POFUT3: variants seen among roughly 807,000 people sequenced by gnomAD.
POFUT3 encodes GDP-fucose protein O-fucosyltransferase 3.
At chr8:33,356,884 C>A in the POFUT3 span, among the ~76,000 whole-genome samples, 8 of 151,874 alleles carry the variant, frequency 5.3e-5, no homozygotes, top group Non-Finnish European at 8.8e-5. Context: ...TCAGCTTTCT[C>A]CATATGGCTA....
the POFUT3 span, among the ~76,000 whole-genome samples, chr8:33,441,532 C>CTATATATATA: frequency 2.0e-5 from 3 of 151,830 alleles, no homozygotes; most frequent in South Asian, 6.2e-4. Context: ...AGGTGTGCAC[C>CTATATATATA]ACCATGCCCA....
the POFUT3 span, among the ~76,000 whole-genome samples, chr8:33,325,796 A>C: frequency 6.6e-6 from 1 of 152,160 alleles, no homozygotes; most frequent in Non-Finnish European, 1.5e-5. Context: ...ATTCTGGTTC[A>C]GTCTATTGTG....
At chr8:33,355,589 T>C in the POFUT3 span, among the ~76,000 whole-genome samples, 8 of 152,338 alleles carry the variant, frequency 5.3e-5, no homozygotes, top group Admixed American at 2.0e-4. Context: ...CAATTGTTAG[T>C]TATATAAACT....
the POFUT3 span, among the ~76,000 whole-genome samples, chr8:33,374,260 A>G: frequency 6.6e-6 from 1 of 152,184 alleles, no homozygotes; most frequent in South Asian, 2.1e-4. Context: ...TCTGGTGCCA[A>G]AAAGGTTAGG....
chr8:33,342,873 A>G, the POFUT3 span, among the ~76,000 whole-genome samples: 2 of 152,158 alleles, frequency 1.3e-5, no homozygotes, highest in African/African-American at 2.4e-5. Flanking sequence ...TGGGATGCCG[A>G]GGCGGGCAGA....
chr8:33,391,654 C>A, the POFUT3 span, among the ~76,000 whole-genome samples: 3 of 152,180 alleles, frequency 2.0e-5, no homozygotes, highest in Non-Finnish European at 2.9e-5. Flanking sequence ...TGAGTTAGAA[C>A]ACAAAGTTGC....
chr8:33,310,833 C>T, the POFUT3 span, among the ~76,000 whole-genome samples: 1,288 of 152,268 alleles, frequency 8.5e-3, 8 homozygotes, highest in South Asian at 0.046. Flanking sequence ...ATCAGCTAGG[C>T]GCTTTAGCAG....
chr8:33,331,740 A>G, the POFUT3 span, among the ~76,000 whole-genome samples: 1 of 151,962 alleles, frequency 6.6e-6, no homozygotes, highest in South Asian at 2.1e-4. Context: ...CAGTGGCGCG[A>G]TCTCGGCTCA....
the POFUT3 span, among the ~76,000 whole-genome samples, chr8:33,379,846 A>AT: frequency 2.1e-3 from 219 of 102,158 alleles, 1 homozygote; most frequent in African/African-American, 7.8e-3. Flanking sequence ...AAAAAAAAAA[A>AT]ATATATATAT....
chr8:33,450,918 C>T, the POFUT3 span, among the ~76,000 whole-genome samples: 10 of 152,068 alleles, frequency 6.6e-5, no homozygotes, highest in South Asian at 1.2e-3. Flanking sequence ...CAGACATTTA[C>T]GTTCCCACTT....
the POFUT3 span, chr8:33,371,453 C>G: frequency 6.6e-6 from 1 of 152,206 alleles, no homozygotes; most frequent in Non-Finnish European, 1.5e-5. Flanking sequence ...CAGACATGAG[C>G]ATCACAGACT....
At chr8:33,381,004 A>T in the POFUT3 span, among the ~76,000 whole-genome samples, 3 of 151,924 alleles carry the variant, frequency 2.0e-5, no homozygotes, top group African/African-American at 7.3e-5. Context: ...AGGCATGGTG[A>T]CATGCACCTG....
the POFUT3 span, among the ~76,000 whole-genome samples, chr8:33,315,873 G>A: frequency 6.6e-6 from 1 of 152,000 alleles, no homozygotes; most frequent in East Asian, 1.9e-4. Flanking sequence ...TTAAATCCAA[G>A]CACATCTCCT....
At chr8:33,396,033 T>A in the POFUT3 span, among the ~76,000 whole-genome samples, 2 of 152,168 alleles carry the variant, frequency 1.3e-5, no homozygotes, top group Non-Finnish European at 2.9e-5. Context: ...TGTGATAAGA[T>A]CAGCTGTAGC....
the POFUT3 span, among the ~76,000 whole-genome samples, chr8:33,433,840 G>C: frequency 6.6e-6 from 1 of 151,802 alleles, no homozygotes; most frequent in Non-Finnish European, 1.5e-5. Flanking sequence ...TGGTGGTATG[G>C]ACCTGTGGTT....
At chr8:33,463,186 T>G in the POFUT3 span, among the ~76,000 whole-genome samples, 13 of 151,902 alleles carry the variant, frequency 8.6e-5, no homozygotes, top group African/African-American at 3.1e-4. Flanking sequence ...TAATATAGAA[T>G]CCTGGTTAAA....
the POFUT3 span, among the ~76,000 whole-genome samples, chr8:33,411,465 A>AT: frequency 2.0e-5 from 3 of 152,240 alleles, no homozygotes; most frequent in Non-Finnish European, 4.4e-5. Context: ...TAGATTCTGA[A>AT]TTTTTTTTAA....
At chr8:33,455,811 G>A in the POFUT3 span, 287,535 of 455,210 alleles carry the variant, frequency 0.63, 93,034 homozygotes, top group African/African-American at 0.8. Flanking sequence ...GATAAAGGCC[G>A]CTGATCATTG....
the POFUT3 span, among the ~76,000 whole-genome samples, chr8:33,344,421 T>C: frequency 1.2e-4 from 18 of 152,170 alleles, no homozygotes; most frequent in African/African-American, 4.3e-4. Context: ...ATATAAAGAT[T>C]TGAGGATCTG....
Sources: allele counts gnomAD v4.1 joint callset (sites outside exome capture counted in the v4.1 genomes callset), GRCh38; gene constraint gnomAD v4.1.1; transcripts MANE v1.5; gene names NCBI Gene and HGNC (gene_info 2026-07-23, HGNC 2026-07-21).